The following KDM6A variants were observed in gnomAD, a reference collection of about 807,000 sequenced individuals.
The protein encoded by KDM6A is lysine-specific demethylase 6A.
Under a neutral mutation model 117.6 loss-of-function variants are expected in KDM6A, and 11 were observed. That is an observed-to-expected ratio of 0.09 (90% CI 0.06 to 0.15). KDM6A has a LOEUF of 0.15. KDM6A is among the 10% of genes least tolerant of loss of function. The pLI is 1.00. For missense variants in KDM6A, 799 were observed against 1,077.3 expected (o/e 0.74, Z 3.62); for synonymous variants, 384 against 396.1 (o/e 0.97, Z 0.36).
At position 44,901,945 on chromosome X, in the gene KDM6A, G is replaced by C. The variant is rs548478483; in HGVS notation, c.225+27958G>C. ...TGTGTTATGCCTTTAAAAAAATTCAGACTGGGTGTGGTGGCTCATGCCTGT... is the reference window on the plus strand; with the variant it reads ...TGTGTTATGCCTTTAAAAAAATTCACACTGGGTGTGGTGGCTCATGCCTGT... On this transcript the variant is annotated intron_variant, in intron 2 of 29. Coordinates refer to ENST00000611820, the MANE Select transcript of KDM6A (RefSeq NM_001291415.2). 1.9e-4 allele frequency among the ~76,000 whole-genome samples: 21 copies of C among 112,594 alleles called. 1 individual carries two copies. The South Asian group carries it at 7.6e-3, about 41-fold the overall frequency.
intron 25 of KDM6A, among the ~76,000 whole-genome samples, chrX:45,086,925 C>T: frequency 8.9e-6 from 1 of 112,590 alleles, no homozygotes; most frequent in Admixed American, 9.4e-5. Flanking sequence ...AAAACACCCA[C>T]AGAAAACATT....
intron 17 of KDM6A, among the ~76,000 whole-genome samples, chrX:45,068,233 G>A (rs929388925): frequency 1.8e-5 from 2 of 111,304 alleles, no homozygotes; most frequent in African/African-American, 6.5e-5. Flanking sequence ...ACTTTAATCA[G>A]TGTTGCTGAA....
chrX:44,979,775 C>A (rs1174314776), intron 4 of KDM6A, among the ~76,000 whole-genome samples: 1 of 109,364 alleles, frequency 9.1e-6, no homozygotes, highest in African/African-American at 3.3e-5. Flanking sequence ...CAATAGCTAC[C>A]TAGTTTTTCC....
At chrX:45,091,575 C>T (rs2045897750) in intron 27 of KDM6A, among the ~76,000 whole-genome samples, 1 of 111,841 alleles carries the variant, frequency 8.9e-6, no homozygotes, top group Admixed American at 9.5e-5. Flanking sequence ...AGCAAGTGGA[C>T]AAGTCCTTTA....
chrX:44,881,773 C>T (rs1184875261), intron 2 of KDM6A, among the ~76,000 whole-genome samples: 7 of 108,354 alleles, frequency 6.5e-5, no homozygotes, highest in Admixed American at 1.0e-4. Flanking sequence ...CTGCAACCTC[C>T]GTCTCCAGGG....
chrX:45,084,172 A>T (rs1402907013), intron 24 of KDM6A, among the ~76,000 whole-genome samples: 1 of 111,925 alleles, frequency 8.9e-6, no homozygotes, highest in Non-Finnish European at 1.9e-5. Context: ...CTTTGCCACT[A>T]ATTAGGCTTG....
At position 45,040,125 on chromosome X, in the gene KDM6A, T is replaced by C. The variant is rs866282027; in HGVS notation, c.654+2436T>C. Reference sequence around the variant, plus strand: ...CCCCTCACCTCCCGGATGGGGCGGCTGGCCGGGCGGGGGGCTGACCCCCCC... The same window carrying C: ...CCCCTCACCTCCCGGATGGGGCGGCCGGCCGGGCGGGGGGCTGACCCCCCC... On this transcript the variant is annotated intron_variant, in intron 8 of 29. Transcript: ENST00000611820. Among the ~76,000 whole-genome samples, 281 of 57,501 alleles carry C rather than the reference T, an allele frequency of 4.9e-3. 5 individuals are homozygous for C. Among genetic ancestry groups the C allele is most frequent in the African/African-American group, 0.019 (268 of 14,055 alleles). 49.9% of individuals were successfully genotyped at this position (57,501 alleles called of 115,157 possible).
chrX:45,026,939 G>C (rs2042392253), intron 6 of KDM6A, among the ~76,000 whole-genome samples: 1 of 110,979 alleles, frequency 9.0e-6, no homozygotes, highest in Non-Finnish European at 1.9e-5. Flanking sequence ...TATGTTTCTA[G>C]AATATTTGTA....
At chrX:45,043,276 C>T (rs1032343606) in intron 8 of KDM6A, among the ~76,000 whole-genome samples, 10 of 109,649 alleles carry the variant, frequency 9.1e-5, no homozygotes, top group African/African-American at 3.3e-4. Context: ...GGTGACAAAG[C>T]GAGACCCCGT....
chrX:44,958,604 C>CTTTTTTT lies in KDM6A; in HGVS notation c.226-2661_226-2655dup, dbSNP rs34006049. On this transcript the variant is annotated intron_variant, in intron 2 of 29. Coordinates refer to ENST00000611820, the MANE Select transcript of KDM6A (RefSeq NM_001291415.2). ...TTCTGTGTGGGACAACTATATAGAC[C>CTTTTTTT]TTTTTTTTTTTTTTTTTTTTTTTTT... Among the ~76,000 whole-genome samples, 134 of 56,437 alleles carry CTTTTTTT rather than the reference C, an allele frequency of 2.4e-3. 4 individuals are homozygous for CTTTTTTT. Among genetic ancestry groups the CTTTTTTT allele is most frequent in the African/African-American group, 6.1e-3 (60 of 9,851 alleles). 49.0% of individuals were successfully genotyped at this position (56,437 alleles called of 115,157 possible). A position where few individuals can be genotyped will look rare whatever the true frequency, so the allele number is the denominator to read the frequency against.
rs187077632 is a variant in KDM6A at position 44,970,942 on chromosome X, A to G, written c.335-3724A>G. On this transcript the variant is annotated intron_variant, in intron 3 of 29. Coordinates refer to ENST00000611820, the MANE Select transcript of KDM6A (RefSeq NM_001291415.2). ...CATTAGTAGACAGAGAACCTTTTTC[A>G]TGTCTGTCATCTATAAATCAGTGGT... 4.1e-3 allele frequency among the ~76,000 whole-genome samples: 453 copies of G among 111,050 alleles called. 3 individuals are homozygous for G. The highest frequency in any genetic ancestry group is 5.5e-3 in the Non-Finnish European group (289 of 52,956).
chrX:45,067,552 A>G (rs1408405700), intron 17 of KDM6A, among the ~76,000 whole-genome samples: 1 of 111,208 alleles, frequency 9.0e-6, no homozygotes, highest in African/African-American at 3.3e-5. Context: ...GTAACTTACA[A>G]ATTTCAACCT....
At chrX:44,976,818 A>G (rs1326114149) in intron 4 of KDM6A, among the ~76,000 whole-genome samples, 2 of 110,836 alleles carry the variant, frequency 1.8e-5, no homozygotes, top group African/African-American at 6.6e-5. Context: ...GTGACATAAT[A>G]TTTTCAGTTT....
At chrX:45,039,495 A>C (rs1386481581) in intron 8 of KDM6A, among the ~76,000 whole-genome samples, 1 of 81,525 alleles carries the variant, frequency 1.2e-5, no homozygotes, top group Admixed American at 1.5e-4. Context: ...CCATTGATTC[A>C]TTTGATAATT....
intron 5 of KDM6A, among the ~76,000 whole-genome samples, chrX:45,014,183 A>G (rs2041875953): frequency 8.9e-6 from 1 of 112,269 alleles, no homozygotes; most frequent in Admixed American, 9.4e-5. Context: ...TGTGTGACCA[A>G]CGTGTGTCTG....
rs778793509 is a variant in KDM6A, at chrX:44,967,822, G to A, written c.334+6430G>A. Among the ~76,000 whole-genome samples the A allele has an allele frequency of 8.9e-5, 10 of 112,223 alleles. No individual in the cohort carries two copies. The Admixed American group carries it at 9.4e-4, about 11-fold the overall frequency. On this transcript the variant is annotated intron_variant, in intron 3 of 29. Transcript: ENST00000611820. ...GATTCCAGATGAATTTGATGCAGAA[G>A]GAAAAAAGGCTTTGTAAAATATTTT...
chrX:45,104,313 G>A (rs755565522), intron 27 of KDM6A, among the ~76,000 whole-genome samples: 1 of 112,737 alleles, frequency 8.9e-6, no homozygotes, highest in Non-Finnish European at 1.9e-5. Flanking sequence ...GCGAGCCACC[G>A]CGCCCAGCCC....
intron 4 of KDM6A, among the ~76,000 whole-genome samples, chrX:45,000,043 G>A (rs966102327): frequency 8.9e-6 from 1 of 111,757 alleles, no homozygotes. Context: ...CAGTGGTGGT[G>A]GTGTTTGGGA....
rs181547731 is a variant in KDM6A, at chrX:45,111,563, G to A, written c.*152G>A. On this transcript the variant is annotated 3_prime_UTR_variant, in exon 30 of 30. Transcript: ENST00000611820. ...AGTGCGGAGTGTCAACCAACTGGAC[G>A]GGAGAGAGTACTGCTCCTACTCCAG... The A allele has an allele frequency of 4.4e-3, 2,240 of 510,028 alleles. 12 individuals are homozygous for A. Among genetic ancestry groups the A allele is most frequent in the Non-Finnish European group, 5.9e-3 (1,679 of 285,008 alleles). 42.0% of individuals were successfully genotyped at this position (510,028 alleles called of 1,213,427 possible). A position where few individuals can be genotyped will look rare whatever the true frequency, so the allele number is the denominator to read the frequency against.
Sources: gnomAD v4.1 joint callset for allele counts (sites outside exome capture counted in the v4.1 genomes callset) on GRCh38, gnomAD v4.1.1 for gene constraint, MANE v1.5 for transcripts, NCBI Gene and HGNC (gene_info 2026-07-23, HGNC 2026-07-21) for gene names.